The following ICA1L variants were observed in gnomAD, a reference collection of about 807,000 sequenced individuals.
ICA1L encodes islet cell autoantigen 1-like protein.
In ICA1L, 50 loss-of-function variants were observed where a neutral mutation model predicts 61.3. The observed-to-expected ratio is 0.82, with a 90% CI of 0.65 to 1.03. The LOEUF (loss-of-function observed/expected upper bound fraction) is 1.03, where lower values mean the gene tolerates loss of function less well. Ranked by LOEUF, ICA1L falls within the 50% of genes least tolerant of loss-of-function variation. The probability of loss-of-function intolerance (pLI) is 0.00; values close to 1 mark genes in which losing one functional copy is unlikely to be tolerated. For synonymous variants in ICA1L, 161 were observed against 191.3 expected (o/e 0.84, Z 1.31); for missense variants, 508 against 556.7 (o/e 0.91, Z 0.88).
chr2:202,862,272 C>CAAAAAAAAAAAAA (rs778355110), intron 1 of ICA1L, among the ~76,000 whole-genome samples: 5 of 62,974 alleles, frequency 7.9e-5, no homozygotes, highest in African/African-American at 4.1e-4. Context: ...CTCATTTCTA[C>CAAAAAAAAAAAAA]AAAAAAAAAA....
chr2:202,829,627 C>T (rs900878974), intron 1 of ICA1L, among the ~76,000 whole-genome samples: 3 of 152,074 alleles, frequency 2.0e-5, no homozygotes, highest in African/African-American at 7.2e-5. Flanking sequence ...TGTTCTCAGT[C>T]AGACATGCTA....
At chr2:202,783,148 A>T (rs945781176) in intron 12 of ICA1L, among the ~76,000 whole-genome samples, 1 of 152,232 alleles carries the variant, frequency 6.6e-6, no homozygotes, top group Non-Finnish European at 1.5e-5. Context: ...ATAGAGAGGG[A>T]ATGAGGAAAT....
intron 1 of ICA1L, among the ~76,000 whole-genome samples, chr2:202,859,166 CCAA>C (rs1181588439): frequency 6.6e-6 from 1 of 152,104 alleles, no homozygotes; most frequent in Non-Finnish European, 1.5e-5. Context: ...GAAAGACAAA[CCAA>C]CAAGTGACAA....
At chr2:202,853,354 CAAA>C (rs565006368) in intron 1 of ICA1L, among the ~76,000 whole-genome samples, 19 of 94,384 alleles carry the variant, frequency 2.0e-4, no homozygotes, top group Non-Finnish European at 2.6e-4. Flanking sequence ...GAGACTCCGT[CAAA>C]AAAAAAAAAA....
In ICA1L at chr2:202,784,987, AG is replaced by A. The variant is rs1401869762; in HGVS notation, c.1333+930del. ...GTAATCCTAGCAGTTTGGGAGCCTG[AG>A]GCGGGCGGATCATGAGGTCAGGAGA... On this transcript the variant is annotated intron_variant, in intron 12 of 12. Coordinates refer to ENST00000358299, the MANE Select transcript of ICA1L (RefSeq NM_001288622.3). Among the ~76,000 whole-genome samples the A allele has an allele frequency of 8.5e-5, 13 of 152,220 alleles. No individual in the cohort carries two copies. The East Asian group carries it at 2.5e-3, about 29-fold the overall frequency.
In ICA1L at chr2:202,774,359, A is replaced by G. The variant is rs1487215805; in HGVS notation, c.*5174T>C. ...GGCGAGCCTGCCGCGCGCTCCGCTC[A>G]GCGTGGTCTGGCAGCCGGAGACCAG... On this transcript the variant is annotated 3_prime_UTR_variant, in exon 13 of 13. Transcript: ENST00000358299. 3 of 1,340,426 alleles carry G rather than the reference A, an allele frequency of 2.2e-6. No homozygotes were observed. The East Asian group carries it at 9.8e-5, about 44-fold the overall frequency. 83.0% of individuals were successfully genotyped at this position (1,340,426 alleles called of 1,614,324 possible).
intron 3 of ICA1L, among the ~76,000 whole-genome samples, chr2:202,824,292 T>A (rs1693774744): frequency 6.6e-6 from 1 of 151,994 alleles, no homozygotes. Context: ...TCCCAGCTAC[T>A]TGGGAGGCTG....
intron 1 of ICA1L, among the ~76,000 whole-genome samples, chr2:202,858,543 C>T (rs146252021): frequency 1.3e-5 from 2 of 152,254 alleles, no homozygotes; most frequent in Non-Finnish European, 2.9e-5. Context: ...ACCTAGATGA[C>T]AGGTTGATAG....
intron 6 of ICA1L, among the ~76,000 whole-genome samples, 192 bp from the exon 7 acceptor site, chr2:202,816,201 G>A (rs1480656751): frequency 6.6e-6 from 1 of 152,186 alleles, no homozygotes. Context: ...CGGCATCTGT[G>A]TCTGCACGTG....
chr2:202,788,916 A>T lies in ICA1L; in HGVS notation c.1157T>A (p.Met386Lys). 1 of 1,614,192 alleles carries T rather than the reference A, an allele frequency of 6.2e-7. No homozygotes were observed. Among genetic ancestry groups the T allele is most frequent in the South Asian group, 1.1e-5 (1 of 91,084 alleles). The change falls in exon 11 of 13, where the codon ATG becomes AAG. Residue 386 changes from methionine to lysine, a missense_variant. Transcript: ENST00000358299. ...SASLTSQEPS[M>K]GSEPLAHSSR... ...AGAATGAGCGAGGGGCTCAGACCCC[A>T]TGGAAGGCTCCTGGGATGTGAGACT...
intron 1 of ICA1L, among the ~76,000 whole-genome samples, chr2:202,837,186 T>A (rs1694177388): frequency 6.6e-6 from 1 of 151,694 alleles, no homozygotes; most frequent in Non-Finnish European, 1.5e-5. Flanking sequence ...TGTATTTCTG[T>A]GGTATCAGCT....
At chr2:202,845,692 T>A (rs1694447082) in intron 1 of ICA1L, among the ~76,000 whole-genome samples, 1 of 152,060 alleles carries the variant, frequency 6.6e-6, no homozygotes, top group Non-Finnish European at 1.5e-5. Flanking sequence ...TTCAGCTGTG[T>A]CCTGGATTTG....
chr2:202,862,732 G>C (rs1232121313), intron 1 of ICA1L, among the ~76,000 whole-genome samples: 2 of 151,898 alleles, frequency 1.3e-5, no homozygotes, highest in Non-Finnish European at 2.9e-5. Flanking sequence ...AGCTACTCGG[G>C]AGGCTGAGGC....
chr2:202,773,795 C>A lies in ICA1L; in HGVS notation c.*5738G>T. 7.2e-7 allele frequency: 1 copy of A among 1,392,436 alleles called. No homozygotes were observed. 86.3% of individuals were successfully genotyped at this position (1,392,436 alleles called of 1,614,324 possible). A position where few individuals can be genotyped will look rare whatever the true frequency, so the allele number is the denominator to read the frequency against. ...ATACATACACCGGTATGGTAATAGGCAAGAGCAGGCTGTAAAAGCAAAGGC... is the reference window on the plus strand; with the variant it reads ...ATACATACACCGGTATGGTAATAGGAAAGAGCAGGCTGTAAAAGCAAAGGC... On this transcript the variant is annotated 3_prime_UTR_variant, in exon 13 of 13. Transcript: ENST00000358299.
intron 1 of ICA1L, among the ~76,000 whole-genome samples, chr2:202,830,798 G>T (rs759785854): frequency 6.6e-6 from 1 of 151,952 alleles, no homozygotes; most frequent in African/African-American, 2.4e-5. Context: ...AAGACCGAGT[G>T]GGAAAAACAA....
intron 8 of ICA1L, among the ~76,000 whole-genome samples, chr2:202,813,663 A>G (rs1693444130): frequency 6.6e-6 from 1 of 152,218 alleles, no homozygotes; most frequent in African/African-American, 2.4e-5. Context: ...CCTTCTACTC[A>G]ACAGTATATG....
intron 1 of ICA1L, among the ~76,000 whole-genome samples, chr2:202,853,598 C>T (rs1205599905): frequency 6.6e-6 from 1 of 151,774 alleles, no homozygotes; most frequent in East Asian, 1.9e-4. Flanking sequence ...AAAATTTTTG[C>T]AATCTACTCA....
rs546152841 is a variant in ICA1L at position 202,845,172 on chromosome 2, C to T, written c.-7-16156G>A. On this transcript the variant is annotated intron_variant, in intron 1 of 12. Coordinates refer to ENST00000358299, the MANE Select transcript of ICA1L (RefSeq NM_001288622.3). ...AATATCCTTAACTTAATTACATCTT[C>T]AAAGTCTCTTTGAACACAGTCTCTT... 3.9e-5 allele frequency among the ~76,000 whole-genome samples: 6 copies of T among 152,310 alleles called. No homozygotes were observed. In the South Asian group the frequency reaches 1.2e-3, roughly 32 times the overall value.
chr2:202,866,353 A>T (rs1687511739), intron 1 of ICA1L, among the ~76,000 whole-genome samples: 1 of 152,162 alleles, frequency 6.6e-6, no homozygotes, highest in Admixed American at 6.6e-5. Flanking sequence ...GATGGAAGAA[A>T]CTTGAACCCC....
Sources: gnomAD v4.1 joint callset for allele counts (sites outside exome capture counted in the v4.1 genomes callset) on GRCh38, gnomAD v4.1.1 for gene constraint, MANE v1.5 for transcripts, NCBI Gene and HGNC (gene_info 2026-07-23, HGNC 2026-07-21) for gene names.